ROCK1: variants seen among roughly 807,000 people sequenced by gnomAD.
The protein encoded by ROCK1 is rho-associated protein kinase 1.
In ROCK1, 36 loss-of-function variants were observed where a neutral mutation model predicts 196.8. The observed-to-expected ratio is 0.18, with a 90% CI of 0.14 to 0.24. The LOEUF (loss-of-function observed/expected upper bound fraction) is 0.24. ROCK1 is among the 10% of genes least tolerant of loss of function. The pLI, the probability that ROCK1 is intolerant of heterozygous loss-of-function variation, is 1.00. For synonymous variants in ROCK1, 443 were observed against 515.9 expected (o/e 0.86, Z 1.91); for missense variants, 920 against 1,562.0 (o/e 0.59, Z 6.93).
intron 9 of ROCK1, among the ~76,000 whole-genome samples, chr18:21,036,432 A>G (rs1277501071): frequency 6.6e-6 from 1 of 152,188 alleles, no homozygotes; most frequent in Non-Finnish European, 1.5e-5. Context: ...AAGTTACCAC[A>G]TATTTAATGT....
intron 27 of ROCK1, among the ~76,000 whole-genome samples, chr18:20,961,430 T>C (rs895227862): frequency 1.3e-5 from 2 of 152,190 alleles, no homozygotes; most frequent in African/African-American, 4.8e-5. Context: ...TATAAGTCCA[T>C]GAATACAGGA....
intron 1 of ROCK1, among the ~76,000 whole-genome samples, chr18:21,088,906 C>T (rs970064195): frequency 3.3e-5 from 5 of 152,088 alleles, no homozygotes; most frequent in African/African-American, 1.2e-4. Context: ...TTGGTCTTCC[C>T]AGACTCCAGA....
At chr18:21,077,476 G>C (rs2036443209) in intron 1 of ROCK1, among the ~76,000 whole-genome samples, 1 of 152,160 alleles carries the variant, frequency 6.6e-6, no homozygotes, top group African/African-American at 2.4e-5. Flanking sequence ...AGCTGGTGCT[G>C]CTCATAAAGG....
intron 1 of ROCK1, among the ~76,000 whole-genome samples, chr18:21,102,200 T>C (rs1380501441): frequency 5.9e-5 from 9 of 152,142 alleles, no homozygotes; most frequent in Non-Finnish European, 1.3e-4. Context: ...TGTGATTTTG[T>C]TTGTCTACGC....
intron 3 of ROCK1, 124 bp downstream of exon 3, chr18:21,049,656 T>C: frequency 1.5e-6 from 1 of 650,752 alleles, no homozygotes; most frequent in Middle Eastern, 3.7e-4. Context: ...CAGGCAACAA[T>C]GTCTAAAGGA....
At chr18:21,046,320 A>G (rs912467355) in intron 4 of ROCK1, among the ~76,000 whole-genome samples, 3 of 152,188 alleles carry the variant, frequency 2.0e-5, no homozygotes, top group African/African-American at 4.8e-5. Flanking sequence ...TTTAACTTTT[A>G]TACCTGCTGC....
At position 21,052,786 on chromosome 18, in the gene ROCK1, C is replaced by T. The variant is rs544157313; in HGVS notation, c.176-2906G>A. ...GTGGAATAGTTTCATAAAACCATCC[C>T]GTCTGCCACCCCCCAACCCCCATCC... On this transcript the variant is annotated intron_variant, in intron 2 of 32. Transcript: ENST00000399799. Among the ~76,000 whole-genome samples, 44 of 152,108 alleles carry T rather than the reference C, an allele frequency of 2.9e-4. 1 individual carries two copies. In the South Asian group the frequency reaches 8.9e-3, roughly 31 times the overall value.
intron 8 of ROCK1, 132 bp from the exon 9 acceptor site, chr18:21,039,695 T>C (rs192150420): frequency 3.6e-4 from 226 of 627,246 alleles, no homozygotes; most frequent in Non-Finnish European, 5.5e-4. Context: ...AATTATATTG[T>C]CAGCATAGTA....
intron 8 of ROCK1, 109 bp downstream of exon 8, chr18:21,041,988 T>C: frequency 9.7e-7 from 1 of 1,032,626 alleles, no homozygotes; most frequent in Non-Finnish European, 1.4e-6. Context: ...TTCACTGTCA[T>C]TTATATTCTA....
intron 2 of ROCK1, 72 bp from the exon 3 acceptor site, chr18:21,049,952 G>C (rs905407812): frequency 1.5e-6 from 1 of 679,674 alleles, no homozygotes; most frequent in Non-Finnish European, 2.4e-6. Flanking sequence ...TTTTACATTC[G>C]AGTTCTTAAG....
intron 11 of ROCK1, 61 bp from the exon 12 acceptor site, chr18:21,020,300 A>C: frequency 1.2e-6 from 1 of 845,358 alleles, no homozygotes; most frequent in East Asian, 2.9e-5. Context: ...ATTTAAAAAT[A>C]TCAAGTCTAT....
At chr18:20,959,086 T>TATATAATATATATAATATTATATATA (rs1568367368) in intron 29 of ROCK1, among the ~76,000 whole-genome samples, 4 of 29,804 alleles carry the variant, frequency 1.3e-4, no homozygotes, top group African/African-American at 7.5e-4. Flanking sequence ...ATATATATAT[T>TATATAATATATATAATATTATATATA]TTATATAATA....
intron 1 of ROCK1, among the ~76,000 whole-genome samples, chr18:21,109,125 C>T (rs1237231223): frequency 6.6e-6 from 1 of 152,198 alleles, no homozygotes; most frequent in African/African-American, 2.4e-5. Context: ...CAAGAACATA[C>T]ATTATCTAAA....
Position 21,008,039 on chromosome 18 carries a change from C to T in ROCK1, c.1546+20G>A. ...CAGTGTTAGAAATTCTATCATTTTT[C>T]AAAAGTAGTGACAATTTACCTTCAT... On this transcript the variant is annotated intron_variant, in intron 14 of 32. Coordinates refer to ENST00000399799, the MANE Select transcript of ROCK1 (RefSeq NM_005406.3). The T allele has an allele frequency of 6.4e-7, 1 of 1,568,274 alleles. No individual in the cohort carries two copies. The highest frequency in any genetic ancestry group is 8.7e-7 in the Non-Finnish European group (1 of 1,155,170).
intron 27 of ROCK1, among the ~76,000 whole-genome samples, chr18:20,960,434 A>C (rs554263704): frequency 1.3e-5 from 2 of 152,322 alleles, no homozygotes; most frequent in South Asian, 4.1e-4. Context: ...AACATTTAGT[A>C]ATCAATTACA....
intron 1 of ROCK1, among the ~76,000 whole-genome samples, chr18:21,082,496 A>T (rs2036491150): frequency 6.6e-6 from 1 of 152,230 alleles, no homozygotes; most frequent in East Asian, 1.9e-4. Flanking sequence ...ATCAAGTGGG[A>T]TTTATGCCAG....
rs552614706 is a variant in ROCK1, at chr18:21,080,044, C to T, written c.94-9431G>A. 3.9e-5 allele frequency among the ~76,000 whole-genome samples: 6 copies of T among 152,204 alleles called. No homozygotes were observed. In the East Asian group the frequency reaches 7.7e-4, roughly 20 times the overall value. ...CTAGAAAGAGAAGTGAGAACAAAAG[C>T]GTTCTCCTTCCTTTCGGTATGTGAT... is the stretch of plus-strand genomic sequence containing the variant. On this transcript the variant is annotated intron_variant, in intron 1 of 32. Coordinates refer to ENST00000399799, the MANE Select transcript of ROCK1 (RefSeq NM_005406.3).
intron 11 of ROCK1, among the ~76,000 whole-genome samples, chr18:21,021,849 T>G (rs2035915554): frequency 6.6e-6 from 1 of 152,174 alleles, no homozygotes; most frequent in South Asian, 2.1e-4. Context: ...CAGTGAGAGC[T>G]GACTTACAGC....
At chr18:21,095,301 G>A (rs536559173) in intron 1 of ROCK1, among the ~76,000 whole-genome samples, 13 of 151,924 alleles carry the variant, frequency 8.6e-5, no homozygotes, top group South Asian at 2.1e-4. Flanking sequence ...ACAGTTTGGC[G>A]GTTCTTCAAA....
Sources: gnomAD v4.1 joint callset for allele counts (sites outside exome capture counted in the v4.1 genomes callset) on GRCh38, gnomAD v4.1.1 for gene constraint, MANE v1.5 for transcripts, NCBI Gene and HGNC (gene_info 2026-07-23, HGNC 2026-07-21) for gene names.